TTC12: variants seen among roughly 807,000 people sequenced by gnomAD.
TTC12 encodes tetratricopeptide repeat domain 12, also known as tetratricopeptide repeat protein 12.
Under a neutral mutation model 90.1 loss-of-function variants are expected in TTC12, and 70 were observed. That is an observed-to-expected ratio of 0.78 (90% CI 0.64 to 0.95). TTC12 has a LOEUF of 0.95. Among genes scored for constraint, TTC12 ranks in the 40% least tolerant of loss-of-function variants. The pLI is 0.00. For synonymous variants in TTC12, 296 were observed against 311.5 expected, an observed-to-expected ratio of 0.95 and a Z score of 0.53; for missense variants, 819 against 846.1, an observed-to-expected ratio of 0.97 and a Z score of 0.40.
chr11:113,368,114 G>A (rs1950271652), downstream of TTC12: 3 of 1,220,676 alleles, frequency 2.5e-6, no homozygotes, highest in African/African-American at 4.6e-5. Context: ...TCTTGAAAAT[G>A]GCTATGATAG....
At chr11:113,316,532 G>C (rs1380261281) in intron 2 of TTC12, among the ~76,000 whole-genome samples, 1 of 152,216 alleles carries the variant, frequency 6.6e-6, no homozygotes, top group Admixed American at 6.5e-5. Context: ...ATTCTGATAG[G>C]AATTCAGGCT....
At chr11:113,322,443 A>G (rs575661670) in intron 2 of TTC12, among the ~76,000 whole-genome samples, 1 of 152,156 alleles carries the variant, frequency 6.6e-6, no homozygotes, top group Non-Finnish European at 1.5e-5. Context: ...GGAAGGATGG[A>G]TGTAGGTATA....
intron 12 of TTC12, 114 bp from the exon 13 acceptor site, chr11:113,344,158 T>C (rs1948821533): frequency 8.3e-7 from 1 of 1,199,480 alleles, no homozygotes; most frequent in African/African-American, 1.5e-5. Context: ...ACTTCATTAT[T>C]CTGCCTTCAA....
At chr11:113,335,928 G>T (rs1325632507) in intron 8 of TTC12, among the ~76,000 whole-genome samples, 5 of 152,042 alleles carry the variant, frequency 3.3e-5, no homozygotes, top group Non-Finnish European at 7.4e-5. Flanking sequence ...GTCCTCTTGG[G>T]TATATATCTA....
chr11:113,319,861 C>T (rs1312234827), intron 2 of TTC12, among the ~76,000 whole-genome samples: 1 of 152,094 alleles, frequency 6.6e-6, no homozygotes, highest in Non-Finnish European at 1.5e-5. Flanking sequence ...AGGGACTTCT[C>T]AACAAATAAT....
chr11:113,329,802 G>A, intron 6 of TTC12, 118 bp from the exon 7 acceptor site: 1 of 861,530 alleles, frequency 1.2e-6, no homozygotes, highest in Non-Finnish European at 2.0e-6. Flanking sequence ...GACCATGACT[G>A]ATCCAGGTAG....
At chr11:113,321,774 C>T (rs1000650473) in intron 2 of TTC12, among the ~76,000 whole-genome samples, 32 of 152,182 alleles carry the variant, frequency 2.1e-4, no homozygotes, top group African/African-American at 7.5e-4. Flanking sequence ...ACTCATACCA[C>T]TCATGAGAAA....
chr11:113,360,816 G>A (rs1408563366), intron 18 of TTC12, among the ~76,000 whole-genome samples: 5 of 152,180 alleles, frequency 3.3e-5, no homozygotes, highest in East Asian at 1.9e-4. Context: ...ACCCTGTTTG[G>A]GGGTAGCACT....
intron 16 of TTC12, among the ~76,000 whole-genome samples, chr11:113,357,050 TCAGGGA>T (rs1949674106): frequency 6.6e-6 from 1 of 152,232 alleles, no homozygotes; most frequent in Admixed American, 6.5e-5. Flanking sequence ...CTCATCTCTT[TCAGGGA>T]CACCGATTAG....
chr11:113,325,048 G>A (rs1218198095), intron 5 of TTC12, among the ~76,000 whole-genome samples: 1 of 152,166 alleles, frequency 6.6e-6, no homozygotes, highest in East Asian at 1.9e-4. Flanking sequence ...TAAAACAGCT[G>A]TGAGATAGGA....
chr11:113,338,448 T>C (rs915704894), intron 8 of TTC12, among the ~76,000 whole-genome samples: 1 of 152,230 alleles, frequency 6.6e-6, no homozygotes, highest in African/African-American at 2.4e-5. Flanking sequence ...AGTGCAAATA[T>C]CATATCTAAG....
chr11:113,329,291 A>G lies in TTC12; in HGVS notation c.445-629A>G, dbSNP rs554930089. Among the ~76,000 whole-genome samples the G allele has an allele frequency of 7.2e-5, 11 of 152,124 alleles. No individual in the cohort carries two copies. In the South Asian group the frequency reaches 2.3e-3, roughly 32 times the overall value. ...ATCTGTCTTTTTTATCCCCTTTATC[A>G]TTTGGTGTTTTTCTGGAACATTCAC... On this transcript the variant is annotated intron_variant, in intron 6 of 21. Transcript: ENST00000529221.
intron 20 of TTC12, chr11:113,364,480 T>C: frequency 3.2e-6 from 1 of 309,346 alleles, no homozygotes; most frequent in South Asian, 3.5e-5. Context: ...GCTGGCACAT[T>C]GCCTCCACCT....
At chr11:113,368,615 T>C (rs1371158940), downstream of TTC12, 15 of 971,844 alleles carry the variant, frequency 1.5e-5, no homozygotes, top group Admixed American at 1.0e-4. Flanking sequence ...TCTTCATACA[T>C]GACGTGAGGA....
chr11:113,342,158 TCTC>T (rs1291051629), intron 12 of TTC12, among the ~76,000 whole-genome samples: 1 of 152,192 alleles, frequency 6.6e-6, no homozygotes, highest in Non-Finnish European at 1.5e-5. Flanking sequence ...TCCTCTCTCC[TCTC>T]CTCCTGCTCT....
intron 3 of TTC12, among the ~76,000 whole-genome samples, 190 bp downstream of exon 3, chr11:113,323,641 C>T (rs1555139696): frequency 6.6e-6 from 1 of 151,588 alleles, no homozygotes; most frequent in East Asian, 1.9e-4. Flanking sequence ...TTAAACAACC[C>T]TTTGGATCTA....
chr11:113,347,160 G>A (rs1353408411), intron 13 of TTC12, among the ~76,000 whole-genome samples: 8 of 152,202 alleles, frequency 5.3e-5, no homozygotes, highest in African/African-American at 1.7e-4. Flanking sequence ...CTTCAAGACC[G>A]AAGAAAATAG....
chr11:113,318,108 C>T (rs1947060755), intron 2 of TTC12, among the ~76,000 whole-genome samples: 2 of 152,154 alleles, frequency 1.3e-5, no homozygotes, highest in Non-Finnish European at 2.9e-5. Flanking sequence ...TTCTTGGGCT[C>T]TTGCTATGTG....
intron 7 of TTC12, among the ~76,000 whole-genome samples, 176 bp from the exon 8 acceptor site, chr11:113,334,790 G>T (rs1402900132): frequency 1.3e-5 from 2 of 152,146 alleles, no homozygotes; most frequent in African/African-American, 4.8e-5. Flanking sequence ...GCTGCATCCA[G>T]GCTCCTTGCA....
Sources: gnomAD v4.1 joint callset for allele counts (sites outside exome capture counted in the v4.1 genomes callset) on GRCh38, gnomAD v4.1.1 for gene constraint, MANE v1.5 for transcripts, NCBI Gene and HGNC (gene_info 2026-07-23, HGNC 2026-07-21) for gene names.